CDH4: variants seen among roughly 807,000 people sequenced by gnomAD.
CDH4 encodes the protein cadherin-4.
CDH4 carries 33 observed loss-of-function variants against 86.0 expected under a neutral mutation model. The observed-to-expected ratio is 0.38, with a 90% CI of 0.29 to 0.51. The LOEUF (loss-of-function observed/expected upper bound fraction) is 0.51. CDH4 is among the 20% of genes least tolerant of loss of function. The pLI, the probability that CDH4 is intolerant of heterozygous loss-of-function variation, is 0.86. For missense variants in CDH4, 1,114 were observed against 1,307.4 expected, an observed-to-expected ratio of 0.85 and a Z score of 2.28; for synonymous variants, 555 against 549.4, an observed-to-expected ratio of 1.01 and a Z score of -0.14.
At chr20:61,301,975 A>G (rs182006796) in intron 2 of CDH4, among the ~76,000 whole-genome samples, 119 of 152,356 alleles carry the variant, frequency 7.8e-4, no homozygotes, top group Non-Finnish European at 1.3e-3. Context: ...TTGCTGACTG[A>G]CAATATTGGA....
intron 2 of CDH4, among the ~76,000 whole-genome samples, chr20:61,299,080 G>T (rs1265555840): frequency 6.6e-6 from 1 of 152,166 alleles, no homozygotes; most frequent in Admixed American, 6.5e-5. Flanking sequence ...AAAAAAAATG[G>T]GGGGTCTTTG....
chr20:61,509,884 C>T (rs1211668526), intron 2 of CDH4, among the ~76,000 whole-genome samples: 1 of 151,874 alleles, frequency 6.6e-6, no homozygotes, highest in Admixed American at 6.6e-5. Flanking sequence ...CAGCTGGCAT[C>T]TCAGGATGTA....
Position 61,795,879 on chromosome 20 carries a change from T to C in CDH4, c.576+22697T>C, listed in dbSNP as rs1170883546. On this transcript the variant is annotated intron_variant, in intron 4 of 15. Transcript: ENST00000614565. ...AATGAATGAATGAGTGGATGGAGGA[T>C]GAAGATTCTCAGAGCTGTGCTAAGA... Among the ~76,000 whole-genome samples the C allele has an allele frequency of 1.9e-4, 15 of 79,892 alleles. No individual in the cohort carries two copies. In the Admixed American group the frequency reaches 1.9e-3, roughly 10 times the overall value. 52.4% of individuals were successfully genotyped at this position (79,892 alleles called of 152,430 possible). A position where few individuals can be genotyped will look rare whatever the true frequency, so the allele number is the denominator to read the frequency against.
At chr20:61,478,062 G>A (rs915510798) in intron 2 of CDH4, among the ~76,000 whole-genome samples, 7 of 152,186 alleles carry the variant, frequency 4.6e-5, no homozygotes, top group African/African-American at 1.7e-4. Flanking sequence ...ATTCCCTTCA[G>A]TCTACTGGCA....
Position 61,544,493 on chromosome 20 carries a change from C to T in CDH4, c.170-199070C>T, listed in dbSNP as rs2086062982. 6.6e-6 allele frequency among the ~76,000 whole-genome samples: 1 copy of T among 151,960 alleles called. No homozygotes were observed. The highest frequency in any genetic ancestry group is 2.1e-4 in the South Asian group (1 of 4,818). Reference sequence around the variant, plus strand: ...GGGCATCGGGGTCTTCGAAGGAAAGCCCGTGGATTATGCATCCAGGAATTA... The same window carrying T: ...GGGCATCGGGGTCTTCGAAGGAAAGTCCGTGGATTATGCATCCAGGAATTA... On this transcript the variant is annotated intron_variant, in intron 2 of 15. Transcript: ENST00000614565. This position sits in a 1 kb window ranked among gnomAD's most constrained non-coding sequence, Gnocchi z 6.5.
At chr20:61,859,195 G>T (rs562449543) in intron 6 of CDH4, among the ~76,000 whole-genome samples, 3 of 152,114 alleles carry the variant, frequency 2.0e-5, no homozygotes, top group Non-Finnish European at 4.4e-5. Context: ...TGGCATCTGC[G>T]TGTCCTCTTC....
At chr20:61,888,744 G>T (rs958449950) in intron 7 of CDH4, among the ~76,000 whole-genome samples, 3 of 152,154 alleles carry the variant, frequency 2.0e-5, no homozygotes, top group African/African-American at 7.2e-5. Flanking sequence ...GACATCATTG[G>T]TGCTGCCTGA....
intron 2 of CDH4, among the ~76,000 whole-genome samples, chr20:61,668,354 C>T (rs993203643): frequency 2.0e-5 from 3 of 152,210 alleles, no homozygotes; most frequent in East Asian, 1.9e-4. Context: ...GCCCCGAAGC[C>T]GCAGAGGATG....
chr20:61,498,733 A>G (rs2085679596), intron 2 of CDH4, among the ~76,000 whole-genome samples: 2 of 152,174 alleles, frequency 1.3e-5, no homozygotes, highest in African/African-American at 4.8e-5. Flanking sequence ...CATAAAATAC[A>G]CTAAAGATAG....
chr20:61,543,027 G>A (rs1263763044), intron 2 of CDH4, among the ~76,000 whole-genome samples: 3 of 152,230 alleles, frequency 2.0e-5, no homozygotes, highest in Non-Finnish European at 4.4e-5. Context: ...ATGTTCCAGG[G>A]CAGGAAGCAT....
intron 2 of CDH4, among the ~76,000 whole-genome samples, chr20:61,399,546 C>T (rs561073641): frequency 1.3e-5 from 2 of 152,346 alleles, no homozygotes; most frequent in Admixed American, 6.5e-5. Context: ...ATGACCACCC[C>T]AGGCCTGGCT....
intron 3 of CDH4, among the ~76,000 whole-genome samples, chr20:61,763,323 G>A (rs2088659768): frequency 6.6e-6 from 1 of 152,178 alleles, no homozygotes; most frequent in South Asian, 2.1e-4. Flanking sequence ...CATGCTCAGG[G>A]AACCCAGGCC....
Position 61,923,676 on chromosome 20 carries a change from C to T in CDH4, c.1600C>T (p.Pro534Ser). The T allele has an allele frequency of 6.2e-7, 1 of 1,613,884 alleles. No individual in the cohort carries two copies. The change falls in exon 10 of 16, where the codon CCT (proline) becomes TCT (serine). Residue 534 changes from proline (P) to serine (S), a missense_variant. By Grantham distance (74) the Pro-to-Ser change is moderately conservative. Transcript: ENST00000614565. Reference sequence around the variant, plus strand: ...GCTGACCACGTTTTCAGCTGTGGACCCTGACCGGTTCATGCAGCAGGCTGT... The same window carrying T: ...GCTGACCACGTTTTCAGCTGTGGACTCTGACCGGTTCATGCAGCAGGCTGT... Reference protein sequence around the residue: ...TVLTTFSAVDPDRFMQQAVRY... With the variant: ...TVLTTFSAVDSDRFMQQAVRY...
At chr20:61,606,855 C>T (rs61641932) in intron 2 of CDH4, among the ~76,000 whole-genome samples, 6,399 of 152,332 alleles carry the variant, frequency 0.042, 490 homozygotes, top group African/African-American at 0.14. Context: ...ATGGATAGTG[C>T]GGGACACTGT....
intron 2 of CDH4, among the ~76,000 whole-genome samples, chr20:61,547,223 T>TTC (rs1568887297): frequency 1.1e-5 from 1 of 89,206 alleles, no homozygotes; most frequent in African/African-American, 4.4e-5. Flanking sequence ...TTTTTTTTTT[T>TTC]GCCCCCTGAG....
Position 61,454,889 on chromosome 20 carries a change from G to A in CDH4, c.169+199952G>A, listed in dbSNP as rs372741774. Among the ~76,000 whole-genome samples the A allele has an allele frequency of 3.9e-5, 6 of 152,174 alleles. No individual in the cohort carries two copies. The South Asian group carries it at 6.2e-4, about 16-fold the overall frequency. ...AGGAGTGGTTTGAAGGGTGGGTTCC[G>A]TGACCAGGGTAGGAAGCATGGATTT... is the stretch of plus-strand genomic sequence containing the variant. On this transcript the variant is annotated intron_variant, in intron 2 of 15. Coordinates refer to ENST00000614565, the MANE Select transcript of CDH4 (RefSeq NM_001794.5).
intron 2 of CDH4, among the ~76,000 whole-genome samples, chr20:61,382,702 A>G (rs912992354): frequency 6.6e-5 from 10 of 152,154 alleles, no homozygotes; most frequent in African/African-American, 2.4e-4. Flanking sequence ...CGGCCATGTC[A>G]TTCCAGGCTT....
chr20:61,268,278 G>A (rs2084167278), intron 2 of CDH4, among the ~76,000 whole-genome samples: 1 of 152,234 alleles, frequency 6.6e-6, no homozygotes, highest in South Asian at 2.1e-4. Context: ...GCCGAGGAGA[G>A]GAGAAGGCAC....
intron 2 of CDH4, among the ~76,000 whole-genome samples, chr20:61,728,161 AC>A (rs11477493): frequency 0.34 from 51,344 of 151,958 alleles, 9,876 homozygotes; most frequent in South Asian, 0.55. Context: ...CAGCCATAGA[AC>A]CTGGCCTCTC....
Sources: allele counts gnomAD v4.1 joint callset (sites outside exome capture counted in the v4.1 genomes callset), GRCh38; gene constraint gnomAD v4.1.1; non-coding constraint Gnocchi (gnomAD v3.1); transcripts MANE v1.5; gene names NCBI Gene and HGNC (gene_info 2026-07-23, HGNC 2026-07-21).